Variants in RPH3A observed in about 807,000 individuals in gnomAD.
The protein encoded by RPH3A is rabphilin-3A.
In RPH3A, 48 loss-of-function variants were observed where a neutral mutation model predicts 102.2. That is an observed-to-expected ratio of 0.47 (90% CI 0.37 to 0.60). The LOEUF is 0.60. RPH3A is among the 20% of genes least tolerant of loss of function. RPH3A has a pLI of 0.00. For synonymous variants in RPH3A, 310 were observed against 324.3 expected (o/e 0.96, Z 0.47); for missense variants, 781 against 910.1 (o/e 0.86, Z 1.83).
Position 112,894,614 on chromosome 12 carries a change from C to A in RPH3A, c.1812C>A (p.His604Gln). 6.2e-7 allele frequency: 1 copy of A among 1,613,902 alleles called. No individual in the cohort carries two copies. The highest frequency in any genetic ancestry group is 8.5e-7 in the Non-Finnish European group (1 of 1,179,962). ...LKPDMGKKAK[H>Q]KTQIKKKTLN... ...CGGACATGGGAAAGAAGGCCAAACA[C>A]AAGACTCAAATTAAAAAGAAAACCT... Residue 604 changes from histidine to glutamine, a missense_variant, in exon 20 of 22, where the codon CAC (histidine) becomes CAA (glutamine). This residue lies in a region of RPH3A where 730 missense variants were observed against 810.0 expected (regional missense o/e 0.90). Transcript: ENST00000389385.
chr12:112,874,506 T>C (rs996007431), intron 10 of RPH3A, among the ~76,000 whole-genome samples: 1 of 152,316 alleles, frequency 6.6e-6, no homozygotes, highest in East Asian at 1.9e-4. Context: ...ATTATCATTA[T>C]GAGTTAAGTG....
intron 1 of RPH3A, among the ~76,000 whole-genome samples, chr12:112,727,491 A>ACAG (rs2040601649): frequency 1.4e-5 from 1 of 72,322 alleles, no homozygotes; most frequent in Non-Finnish European, 2.7e-5. Context: ...ACACACACAC[A>ACAG]GACCCCCCCC....
At chr12:112,598,426 G>A (rs2039533653) in intron 1 of RPH3A, among the ~76,000 whole-genome samples, 1 of 152,108 alleles carries the variant, frequency 6.6e-6, no homozygotes, top group Non-Finnish European at 1.5e-5. Flanking sequence ...TAGTGAAGAA[G>A]GTGAGTTTTT....
chr12:112,869,328 A>T (rs998159436), intron 8 of RPH3A: 1 of 165,040 alleles, frequency 6.1e-6, no homozygotes, highest in African/African-American at 2.4e-5. Flanking sequence ...AAGATAACTT[A>T]TCAAGGCACT....
intron 19 of RPH3A, 140 bp downstream of exon 19, chr12:112,891,143 A>G (rs1229198841): frequency 3.4e-6 from 3 of 886,004 alleles, no homozygotes; most frequent in Admixed American, 5.5e-5. Flanking sequence ...TCACAGTGAA[A>G]CAAATGCCTA....
Position 112,720,641 on chromosome 12 carries a change from T to G in RPH3A, c.-139-71502T>G, listed in dbSNP as rs544819865. 3.3e-5 allele frequency among the ~76,000 whole-genome samples: 5 copies of G among 152,348 alleles called. No homozygotes were observed. The East Asian group carries it at 9.6e-4, about 29-fold the overall frequency. ...GGCTGGAGTGATTCTCTTTCATTTGTCTCTTATCCTTTTCCTGGGACTAGT... is the reference window on the plus strand; with the variant it reads ...GGCTGGAGTGATTCTCTTTCATTTGGCTCTTATCCTTTTCCTGGGACTAGT... On this transcript the variant is annotated intron_variant, in intron 1 of 21. Coordinates refer to the RPH3A transcript ENST00000543106.
intron 4 of RPH3A, among the ~76,000 whole-genome samples, chr12:112,845,040 C>T (rs2042206861): frequency 6.6e-6 from 1 of 152,190 alleles, no homozygotes; most frequent in Non-Finnish European, 1.5e-5. Flanking sequence ...GGCCAAGAGA[C>T]CAAGGTGGAT....
intron 1 of RPH3A, among the ~76,000 whole-genome samples, chr12:112,617,090 C>T (rs1273284580): frequency 6.6e-6 from 1 of 152,234 alleles, no homozygotes; most frequent in Non-Finnish European, 1.5e-5. Context: ...AGTAGATGAG[C>T]TTCCTGCAGC....
chr12:112,628,393 G>C (rs2039780767), intron 1 of RPH3A, among the ~76,000 whole-genome samples: 1 of 151,546 alleles, frequency 6.6e-6, no homozygotes, highest in South Asian at 2.1e-4. Flanking sequence ...AGTGAAACGG[G>C]GCAGATTGGG....
intron 1 of RPH3A, among the ~76,000 whole-genome samples, chr12:112,752,905 G>A (rs548309319): frequency 6.6e-6 from 1 of 150,424 alleles, no homozygotes; most frequent in Non-Finnish European, 1.5e-5. Flanking sequence ...CCATCATTGA[G>A]ACTGTATGAT....
intron 3 of RPH3A, 118 bp from the exon 4 acceptor site, chr12:112,836,373 G>A: frequency 2.1e-6 from 1 of 479,646 alleles, no homozygotes; most frequent in Non-Finnish European, 3.7e-6. Context: ...CAAAATGGAA[G>A]TAGGTCATCA....
In RPH3A at chr12:112,791,933, T is replaced by TGGA. The variant is rs1338000879; in HGVS notation, c.-215_-213dup. 1.6e-5 allele frequency: 1 copy of TGGA among 62,484 alleles called. No homozygotes were observed. Among genetic ancestry groups the TGGA allele is most frequent in the African/African-American group, 6.2e-5 (1 of 16,080 alleles). The allele number at this position is 62,484 out of a possible 1,614,324, so 3.9% of individuals were successfully genotyped here. ...CACAGAGCTAAAACCTTCATCCATGTGGAGGACAGTCTGAGGGAGCCACTG... is the reference window on the plus strand; with the variant it reads ...CACAGAGCTAAAACCTTCATCCATGTGGAGGAGGACAGTCTGAGGGAGCCACTG... On this transcript the variant is annotated 5_prime_UTR_variant, in exon 1 of 22. Coordinates refer to ENST00000389385, the MANE Select transcript of RPH3A (RefSeq NM_001143854.2).
chr12:112,819,507 G>A (rs1424327083), intron 2 of RPH3A, among the ~76,000 whole-genome samples: 4 of 152,174 alleles, frequency 2.6e-5, no homozygotes, highest in Admixed American at 2.6e-4. Flanking sequence ...CAGTGCTCTG[G>A]GTCTGAAGCC....
intron 1 of RPH3A, among the ~76,000 whole-genome samples, chr12:112,672,034 A>G (rs2040135541): frequency 6.7e-6 from 1 of 150,320 alleles, no homozygotes; most frequent in South Asian, 2.1e-4. Flanking sequence ...AAATATATAT[A>G]TATTTATATA....
intron 1 of RPH3A, among the ~76,000 whole-genome samples, chr12:112,645,706 T>G (rs527946520): frequency 6.6e-6 from 1 of 152,268 alleles, no homozygotes; most frequent in Admixed American, 6.5e-5. Flanking sequence ...GGATGTCTCT[T>G]AAGTATCTTC....
At chr12:112,770,328 C>A (rs142928840) in intron 1 of RPH3A, among the ~76,000 whole-genome samples, 4 of 142,154 alleles carry the variant, frequency 2.8e-5, no homozygotes, top group East Asian at 2.0e-4. Context: ...CTTTTTGTTT[C>A]TTTCTTTCTT....
chr12:112,784,598 A>C (rs568420840), intron 1 of RPH3A, among the ~76,000 whole-genome samples: 1 of 152,346 alleles, frequency 6.6e-6, no homozygotes, highest in South Asian at 2.1e-4. Flanking sequence ...TATTTATTCG[A>C]CATTGACCAG....
intron 5 of RPH3A, among the ~76,000 whole-genome samples, chr12:112,854,689 C>T (rs1465780013): frequency 1.3e-5 from 2 of 152,220 alleles, no homozygotes; most frequent in East Asian, 3.8e-4. Flanking sequence ...GTTTAATCCT[C>T]ATAATGTCCT....
At chr12:112,686,313 C>T (rs1311961053) in intron 1 of RPH3A, among the ~76,000 whole-genome samples, 2 of 152,164 alleles carry the variant, frequency 1.3e-5, no homozygotes, top group African/African-American at 4.8e-5. Flanking sequence ...AAAAAATGAT[C>T]CAAATGATCC....
Sources: allele counts gnomAD v4.1 joint callset (sites outside exome capture counted in the v4.1 genomes callset), GRCh38; gene constraint gnomAD v4.1.1; regional missense constraint gnomAD v4.1.1; transcripts MANE v1.5; gene names NCBI Gene and HGNC (gene_info 2026-07-23, HGNC 2026-07-21).